The following AKT3 variants were observed in gnomAD, a reference collection of about 807,000 sequenced individuals.
The protein encoded by AKT3 is RAC-gamma serine/threonine-protein kinase.
AKT3 carries 15 observed loss-of-function variants against 65.3 expected under a neutral mutation model. That is an observed-to-expected ratio of 0.23 (90% CI 0.15 to 0.35). The LOEUF is 0.35. Among genes scored for constraint, AKT3 ranks in the 10% least tolerant of loss-of-function variants. The pLI is 1.00. For missense variants in AKT3, 243 were observed against 576.5 expected, an observed-to-expected ratio of 0.42 and a Z score of 5.92; for synonymous variants, 206 against 183.8, an observed-to-expected ratio of 1.12 and a Z score of -0.98.
intron 2 of AKT3, among the ~76,000 whole-genome samples, chr1:243,768,707 C>A (rs544256936): frequency 8.6e-5 from 13 of 151,902 alleles, no homozygotes; most frequent in Non-Finnish European, 1.3e-4. Flanking sequence ...TAGAGGCATG[C>A]GCCTGTAATC....
intron 3 of AKT3, among the ~76,000 whole-genome samples, chr1:243,671,853 A>G (rs943061285): frequency 6.6e-6 from 1 of 152,226 alleles, no homozygotes; most frequent in Admixed American, 6.5e-5. Flanking sequence ...GTCATTATAT[A>G]AGGATTTATT....
chr1:243,591,718 A>G (rs1160120775), intron 8 of AKT3, among the ~76,000 whole-genome samples: 3 of 151,960 alleles, frequency 2.0e-5, no homozygotes, highest in Non-Finnish European at 4.4e-5. Context: ...ATGAAGATGA[A>G]AAAAAAAGTC....
intron 12 of AKT3, among the ~76,000 whole-genome samples, chr1:243,515,066 T>C (rs905410011): frequency 2.6e-5 from 4 of 152,238 alleles, no homozygotes; most frequent in Admixed American, 2.0e-4. Context: ...GTACTCTTTA[T>C]CTGGCTTGTT....
At chr1:243,719,654 G>A (rs1686751035) in intron 2 of AKT3, among the ~76,000 whole-genome samples, 1 of 152,118 alleles carries the variant, frequency 6.6e-6, no homozygotes, top group African/African-American at 2.4e-5. Flanking sequence ...TCCTTTCAAT[G>A]GCAGTGACTG....
chr1:243,755,289 G>A (rs190594892), intron 2 of AKT3, among the ~76,000 whole-genome samples: 9 of 150,756 alleles, frequency 6.0e-5, no homozygotes, highest in African/African-American at 2.2e-4. Context: ...TGCCCAGGGT[G>A]GTCTCGAACT....
At chr1:243,850,012 G>A (rs1034867132) in intron 1 of AKT3, 28 bp downstream of exon 1, 3 of 986,178 alleles carry the variant, frequency 3.0e-6, no homozygotes, top group Non-Finnish European at 3.6e-6. Flanking sequence ...GCGGGGAGGG[G>A]GCTAGAGTTG....
At chr1:243,631,374 C>T (rs1162461130) in intron 6 of AKT3, among the ~76,000 whole-genome samples, 2 of 152,064 alleles carry the variant, frequency 1.3e-5, no homozygotes, top group Non-Finnish European at 2.9e-5. Context: ...TGCAGTGGCA[C>T]GATCTTGGTA....
intron 12 of AKT3, 30 bp downstream of exon 12, chr1:243,545,480 T>C (rs1234246402): frequency 1.4e-6 from 2 of 1,404,250 alleles, no homozygotes; most frequent in Non-Finnish European, 2.0e-6. Flanking sequence ...AGCCAAAATA[T>C]ATACACACTA....
intron 8 of AKT3, among the ~76,000 whole-genome samples, chr1:243,600,624 T>C (rs1421205810): frequency 6.6e-6 from 1 of 152,114 alleles, no homozygotes; most frequent in Non-Finnish European, 1.5e-5. Flanking sequence ...AAATGAAACA[T>C]GACCCTTATG....
At chr1:243,499,605 A>G, downstream of AKT3, 1 of 709,666 alleles carries the variant, frequency 1.4e-6, no homozygotes, top group Non-Finnish European at 2.5e-6. Flanking sequence ...ATGAGGCACA[A>G]ACTTTTCATA....
intron 2 of AKT3, chr1:243,794,326 G>A (rs1047751363): frequency 6.6e-6 from 1 of 152,168 alleles, no homozygotes; most frequent in Non-Finnish European, 1.5e-5. Context: ...ATAAGCCACT[G>A]TACCCAGCTA....
At chr1:243,651,107 G>A (rs193288831) in intron 4 of AKT3, among the ~76,000 whole-genome samples, 1 of 152,078 alleles carries the variant, frequency 6.6e-6, no homozygotes, top group Admixed American at 6.6e-5. Flanking sequence ...TCCTTGAAGA[G>A]GTCCTTCACA....
chr1:243,700,337 C>G (rs1307453747), intron 2 of AKT3, among the ~76,000 whole-genome samples: 1 of 152,116 alleles, frequency 6.6e-6, no homozygotes, highest in Non-Finnish European at 1.5e-5. Context: ...GTCCTAATAA[C>G]TTCAGATTCT....
intron 2 of AKT3, among the ~76,000 whole-genome samples, chr1:243,790,753 C>A (rs1206417975): frequency 6.6e-6 from 1 of 152,090 alleles, no homozygotes; most frequent in Non-Finnish European, 1.5e-5. Context: ...GTTCCTTTCA[C>A]TTGAACATGT....
chr1:243,765,445 C>T (rs1378656205), intron 2 of AKT3, among the ~76,000 whole-genome samples: 1 of 152,102 alleles, frequency 6.6e-6, no homozygotes, highest in African/African-American at 2.4e-5. Flanking sequence ...TTAAACTACC[C>T]TGGTAAGGCT....
intron 5 of AKT3, among the ~76,000 whole-genome samples, chr1:243,642,466 C>T (rs538600663): frequency 6.6e-5 from 10 of 152,252 alleles, no homozygotes; most frequent in Middle Eastern, 3.4e-3. Context: ...CCCGCCACCA[C>T]GCCTGGTTAA....
At chr1:243,667,041 A>C (rs1682836086) in intron 3 of AKT3, among the ~76,000 whole-genome samples, 1 of 152,278 alleles carries the variant, frequency 6.6e-6, no homozygotes, top group East Asian at 1.9e-4. Context: ...TCACACAGCA[A>C]ATCACTACCC....
chr1:243,517,636 G>A (rs1174814858), intron 12 of AKT3, among the ~76,000 whole-genome samples: 1 of 152,024 alleles, frequency 6.6e-6, no homozygotes, highest in Admixed American at 6.6e-5. Context: ...TTCTGATTAG[G>A]TTGAGCATAG....
At chr1:243,661,863 A>T (rs1472295140) in intron 4 of AKT3, among the ~76,000 whole-genome samples, 7 of 150,166 alleles carry the variant, frequency 4.7e-5, no homozygotes, top group South Asian at 2.1e-4. Flanking sequence ...TTACAAGAAA[A>T]AAACAAACAA....
Sources: allele counts gnomAD v4.1 joint callset (sites outside exome capture counted in the v4.1 genomes callset), GRCh38; gene constraint gnomAD v4.1.1; transcripts MANE v1.5; gene names NCBI Gene and HGNC (gene_info 2026-07-23, HGNC 2026-07-21).